ANAPC4: variants seen among roughly 807,000 people sequenced by gnomAD.
ANAPC4 encodes the protein anaphase-promoting complex subunit 4.
ANAPC4 carries 63 observed loss-of-function variants against 119.8 expected under a neutral mutation model. That is an observed-to-expected ratio of 0.53 (90% confidence interval 0.43 to 0.65). ANAPC4 has a LOEUF of 0.65. Among genes scored for constraint, ANAPC4 ranks in the 30% least tolerant of loss-of-function variants. The probability of loss-of-function intolerance (pLI) is 0.00; values close to 1 mark genes in which losing one functional copy is unlikely to be tolerated. For synonymous variants in ANAPC4, 283 were observed against 318.6 expected (o/e 0.89, Z 1.19); for missense variants, 716 against 945.1 (o/e 0.76, Z 3.18).
intron 3 of ANAPC4, 129 bp downstream of exon 3, chr4:25,380,608 TA>T (rs984553538): frequency 3.9e-5 from 21 of 539,626 alleles, no homozygotes; most frequent in Middle Eastern, 5.3e-4. Flanking sequence ...GGGAACTTTT[TA>T]AAAAAAATGC....
intron 3 of ANAPC4, among the ~76,000 whole-genome samples, 173 bp from the exon 4 acceptor site, chr4:25,383,088 A>G (rs1229805547): frequency 6.6e-6 from 1 of 152,238 alleles, no homozygotes; most frequent in Non-Finnish European, 1.5e-5. Flanking sequence ...ATGTAACTAC[A>G]ATATATGCAA....
intron 7 of ANAPC4, among the ~76,000 whole-genome samples, chr4:25,389,427 G>T (rs1033277562): frequency 1.2e-4 from 19 of 152,116 alleles, no homozygotes; most frequent in Admixed American, 6.5e-4. Flanking sequence ...AAAGCGCTGG[G>T]ATTACAGGCG....
At chr4:25,399,740 C>T (rs1423069763) in intron 16 of ANAPC4, among the ~76,000 whole-genome samples, 2 of 152,044 alleles carry the variant, frequency 1.3e-5, no homozygotes, top group Admixed American at 1.3e-4. Flanking sequence ...AGGGAGGGGT[C>T]CAGGCTGGAA....
Position 25,400,936 on chromosome 4 carries a change from C to T in ANAPC4, c.1215-2035C>T, listed in dbSNP as rs77041620. On this transcript the variant is annotated intron_variant, in intron 16 of 28. Transcript: ENST00000315368. The stretch of plus-strand genomic sequence containing the variant: ...AAGGGTTGCAGTTGGTGATGACAGC[C>T]TCTGGGGTGTGAACTTTGGAGTAAA... Among the ~76,000 whole-genome samples the T allele has an allele frequency of 6.8e-3, 1,041 of 152,158 alleles. 33 individuals are homozygous for T. In the East Asian group the frequency reaches 0.11, roughly 15 times the overall value.
intron 16 of ANAPC4, among the ~76,000 whole-genome samples, chr4:25,401,151 C>G (rs1004751524): frequency 6.6e-6 from 1 of 152,170 alleles, no homozygotes; most frequent in African/African-American, 2.4e-5. Context: ...GATTGCTGTT[C>G]CCTGAATTAT....
chr4:25,386,344 C>T (rs540450220), intron 4 of ANAPC4, among the ~76,000 whole-genome samples: 27 of 152,232 alleles, frequency 1.8e-4, no homozygotes, highest in African/African-American at 6.0e-4. Context: ...TCCCGAGAAA[C>T]TGGAATTACA....
In ANAPC4 at chr4:25,386,485, T is replaced by C. The variant is rs530561108; in HGVS notation, c.369-2015T>C. 1.1e-4 allele frequency among the ~76,000 whole-genome samples: 16 copies of C among 152,294 alleles called. No individual in the cohort carries two copies. In the South Asian group the frequency reaches 2.5e-3, roughly 24 times the overall value. ...TCGGCCTCCCAAAGCTCTGGGATTA[T>C]AGACGTGAGCCACCATACCCAGCCG... On this transcript the variant is annotated intron_variant, in intron 4 of 28. Transcript: ENST00000315368.
chr4:25,416,759 T>A, intron 27 of ANAPC4, 161 bp downstream of exon 27: 1 of 495,468 alleles, frequency 2.0e-6, no homozygotes. Context: ...ATTCAAAATA[T>A]GCTGGCCTTA....
chr4:25,383,225 A>G, intron 3 of ANAPC4, 36 bp from the exon 4 acceptor site: 1 of 1,530,038 alleles, frequency 6.5e-7, no homozygotes, highest in South Asian at 1.3e-5. Context: ...CTCAATTGTT[A>G]CACTAATTTA....
chr4:25,401,851 G>C (rs548104608), intron 16 of ANAPC4, among the ~76,000 whole-genome samples: 2 of 152,182 alleles, frequency 1.3e-5, no homozygotes, highest in Non-Finnish European at 2.9e-5. Context: ...AAAAAAACAC[G>C]AAGAGAAATG....
intron 4 of ANAPC4, among the ~76,000 whole-genome samples, chr4:25,384,038 T>G (rs1004912938): frequency 6.6e-6 from 1 of 152,238 alleles, no homozygotes; most frequent in African/African-American, 2.4e-5. Context: ...CTTTCAAAAT[T>G]AGAGTCAGCT....
intron 19 of ANAPC4, 43 bp downstream of exon 19, chr4:25,406,928 A>T: frequency 1.4e-6 from 2 of 1,402,538 alleles, no homozygotes; most frequent in Non-Finnish European, 2.0e-6. Context: ...AAAAAAAATT[A>T]CAGTAAACCT....
At chr4:25,401,410 T>C (rs1396232717) in intron 16 of ANAPC4, among the ~76,000 whole-genome samples, 1 of 152,190 alleles carries the variant, frequency 6.6e-6, no homozygotes, top group Non-Finnish European at 1.5e-5. Flanking sequence ...AATCCTCTGT[T>C]TGTTTTTGAC....
intron 21 of ANAPC4, among the ~76,000 whole-genome samples, chr4:25,411,352 T>G (rs10001352): frequency 0.41 from 61,740 of 151,942 alleles, 14,582 homozygotes; most frequent in Non-Finnish European, 0.52. Flanking sequence ...TCCTGTCCTC[T>G]TTTATTTGCC....
At chr4:25,416,388 A>C (rs1723876830) in intron 26 of ANAPC4, 37 bp from the exon 27 acceptor site, 1 of 1,368,956 alleles carries the variant, frequency 7.3e-7, no homozygotes, top group African/African-American at 1.4e-5. Flanking sequence ...AGTAGTCACG[A>C]TCATCTTTGA....
chr4:25,407,898 A>G (rs2109138845), intron 20 of ANAPC4, among the ~76,000 whole-genome samples: 1 of 152,302 alleles, frequency 6.6e-6, no homozygotes, highest in Non-Finnish European at 1.5e-5. Context: ...CAGTCTCAAA[A>G]GAAAAAGAAG....
At chr4:25,410,950 A>G (rs1426547703) in intron 21 of ANAPC4, among the ~76,000 whole-genome samples, 1 of 152,188 alleles carries the variant, frequency 6.6e-6, no homozygotes, top group Non-Finnish European at 1.5e-5. Context: ...TGGGTAAGTG[A>G]AACTCAACCT....
chr4:25,416,552 A>T lies in ANAPC4; in HGVS notation c.2029A>T (p.Ser677Cys). Reference protein sequence around the residue: ...VQLPLSLVYNSEDSAEYQFTG... With the variant: ...VQLPLSLVYNCEDSAEYQFTG... Reference sequence around the variant, plus strand: ...GCTGCCTTTGTCTTTAGTATATAACAGTGAAGATTCTGCAGAATATCAGTT... The same window carrying T: ...GCTGCCTTTGTCTTTAGTATATAACTGTGAAGATTCTGCAGAATATCAGTT... Residue 677 changes from serine to cysteine, a missense_variant, in exon 27 of 29, where the codon AGT (serine) becomes TGT (cysteine). This residue lies in a region of ANAPC4 where 504 missense variants were observed against 615.8 expected (regional missense o/e 0.82). Transcript: ENST00000315368. 1 of 1,583,464 alleles carries T rather than the reference A, an allele frequency of 6.3e-7. No homozygotes were observed. The highest frequency in any genetic ancestry group is 8.6e-7 in the Non-Finnish European group (1 of 1,159,322).
intron 2 of ANAPC4, 71 bp downstream of exon 2, chr4:25,377,627 C>G: frequency 6.6e-7 from 1 of 1,518,412 alleles, no homozygotes; most frequent in Non-Finnish European, 8.8e-7. Context: ...CGAGCCCGAG[C>G]CTGTTCATTC....
Sources: allele counts gnomAD v4.1 joint callset (sites outside exome capture counted in the v4.1 genomes callset), GRCh38; gene constraint gnomAD v4.1.1; regional missense constraint gnomAD v4.1.1; transcripts MANE v1.5; gene names NCBI Gene and HGNC (gene_info 2026-07-23, HGNC 2026-07-21).